ROR2: variants seen among roughly 807,000 people sequenced by gnomAD.
The protein encoded by ROR2 is tyrosine-protein kinase transmembrane receptor ROR2.
In ROR2, 33 loss-of-function variants were observed where a neutral mutation model predicts 74.9. That is an observed-to-expected ratio of 0.44 (90% CI 0.33 to 0.59). The LOEUF (loss-of-function observed/expected upper bound fraction) is 0.59. ROR2 is among the 20% of genes least tolerant of loss of function. The pLI is 0.02. For missense variants in ROR2, 1,216 were observed against 1,313.8 expected (o/e 0.93, Z 1.15); for synonymous variants, 586 against 558.7 (o/e 1.05, Z -0.69).
chr9:91,780,048 G>A (rs1044753469), intron 1 of ROR2, among the ~76,000 whole-genome samples: 3 of 152,202 alleles, frequency 2.0e-5, no homozygotes, highest in African/African-American at 7.2e-5. Flanking sequence ...TGTTAAGAGA[G>A]TCACATCAGG....
At position 91,929,558 on chromosome 9, in the gene ROR2, C is replaced by G. The variant is rs535036604; in HGVS notation, c.97+20309G>C. 8.6e-4 allele frequency among the ~76,000 whole-genome samples: 131 copies of G among 152,304 alleles called. 1 individual carries two copies. Among genetic ancestry groups the G allele is most frequent in the Non-Finnish European group, 1.5e-3 (102 of 68,030 alleles). ...AGTCATGTTTAGAGACACAAAAGAA[C>G]CAGCACCAGAATTTGCCTCTGGTCC... On this transcript the variant is annotated intron_variant, in intron 1 of 8. Transcript: ENST00000375708.
intron 1 of ROR2, among the ~76,000 whole-genome samples, chr9:91,848,443 C>A (rs1828991141): frequency 6.6e-6 from 1 of 152,160 alleles, no homozygotes; most frequent in Non-Finnish European, 1.5e-5. Context: ...TTTAATCAAT[C>A]TGGCTAACGC....
At chr9:91,835,121 C>T (rs1234337460) in intron 1 of ROR2, among the ~76,000 whole-genome samples, 1 of 151,888 alleles carries the variant, frequency 6.6e-6, no homozygotes, top group Non-Finnish European at 1.5e-5. Context: ...AGACACAGCC[C>T]CTGCAGTCTT....
intron 2 of ROR2, among the ~76,000 whole-genome samples, chr9:91,762,741 C>G (rs1255096313): frequency 6.6e-6 from 1 of 152,202 alleles, no homozygotes; most frequent in Non-Finnish European, 1.5e-5. Flanking sequence ...TGATTTCACC[C>G]ATCTATGTTG....
At chr9:91,885,155 C>T (rs1431095223) in intron 1 of ROR2, among the ~76,000 whole-genome samples, 1 of 152,212 alleles carries the variant, frequency 6.6e-6, no homozygotes, top group African/African-American at 2.4e-5. Flanking sequence ...GCCTCTGCAT[C>T]CCAATTCTCT....
At chr9:91,740,893 G>A (rs1486780008) in intron 4 of ROR2, among the ~76,000 whole-genome samples, 3 of 152,278 alleles carry the variant, frequency 2.0e-5, no homozygotes, top group Non-Finnish European at 1.5e-5. Context: ...AATGAAGTGT[G>A]GAAATCCCCT....
At chr9:91,746,633 G>T (rs1404122930) in intron 4 of ROR2, among the ~76,000 whole-genome samples, 1 of 152,110 alleles carries the variant, frequency 6.6e-6, no homozygotes, top group Non-Finnish European at 1.5e-5. Flanking sequence ...TCATTATGTG[G>T]GTGAAACATA....
At chr9:91,816,528 C>T (rs1461964122) in intron 1 of ROR2, among the ~76,000 whole-genome samples, 1 of 152,116 alleles carries the variant, frequency 6.6e-6, no homozygotes, top group African/African-American at 2.4e-5. Context: ...CCAGCTCTGT[C>T]CCCCAGCCTG....
chr9:91,730,840 G>A, intron 7 of ROR2, 70 bp downstream of exon 7: 2 of 1,604,514 alleles, frequency 1.2e-6, no homozygotes, highest in East Asian at 4.5e-5. Context: ...CCCAGGTCAG[G>A]ACAGAACGCC....
At chr9:91,927,969 C>G (rs1306379360) in intron 1 of ROR2, among the ~76,000 whole-genome samples, 1 of 152,146 alleles carries the variant, frequency 6.6e-6, no homozygotes, top group African/African-American at 2.4e-5. Context: ...TGTGGCCCCA[C>G]TAGCTAGAGA....
rs1824925725 is a variant in ROR2, at chr9:91,733,920, C to A, written c.623-484G>T. On this transcript the variant is annotated intron_variant, in intron 5 of 8. Transcript: ENST00000375708. This position sits in a 1 kb window ranked among gnomAD's most constrained non-coding sequence, Gnocchi z 5.7. Reference sequence around the variant, plus strand: ...CCCGGAAGAGGGAGTCAGCTCAGCTCTGTGAACTGCAGCTGGAGGAGACAG... The same window carrying A: ...CCCGGAAGAGGGAGTCAGCTCAGCTATGTGAACTGCAGCTGGAGGAGACAG... Among the ~76,000 whole-genome samples the A allele has an allele frequency of 6.6e-6, 1 of 152,164 alleles. No homozygotes were observed. The highest frequency in any genetic ancestry group is 6.5e-5 in the Admixed American group (1 of 15,276).
chr9:91,929,171 T>C (rs867445770), intron 1 of ROR2, among the ~76,000 whole-genome samples: 11 of 152,190 alleles, frequency 7.2e-5, no homozygotes, highest in South Asian at 2.1e-4. Flanking sequence ...AAAAGAGCGC[T>C]ATGATCAAAT....
At chr9:91,756,201 G>T in intron 3 of ROR2, 100 bp from the exon 4 acceptor site, 1 of 1,169,484 alleles carries the variant, frequency 8.6e-7, no homozygotes, top group Non-Finnish European at 1.3e-6. Context: ...AAGCCAGCGG[G>T]CTCACTGGTG....
At chr9:91,757,589 A>G (rs1401046660) in intron 2 of ROR2, 30 bp from the exon 3 acceptor site, 1 of 1,606,484 alleles carries the variant, frequency 6.2e-7, no homozygotes, top group Non-Finnish European at 8.5e-7. Context: ...CAAAAGAGCA[A>G]GCGTCAGTGA....
In ROR2 at chr9:91,733,584, C is replaced by T. The variant is rs1213761982; in HGVS notation, c.623-148G>A. 8 of 839,782 alleles carry T rather than the reference C, an allele frequency of 9.5e-6. No individual in the cohort carries two copies. The highest frequency in any genetic ancestry group is 1.7e-5 in the African/African-American group (1 of 59,338). The allele number at this position is 839,782 out of a possible 1,614,324, so 52.0% of individuals were successfully genotyped here. ...CCCCAGACTCCCCAACCCCGAGCCC[C>T]GCACACCACCCTGGAGAGGCTCCCC... On this transcript the variant is annotated intron_variant, in intron 5 of 8. Coordinates refer to ENST00000375708, the MANE Select transcript of ROR2 (RefSeq NM_004560.4). This position sits in a 1 kb window ranked among gnomAD's most constrained non-coding sequence, Gnocchi z 5.7.
At chr9:91,935,080 G>A (rs1831647493) in intron 1 of ROR2, among the ~76,000 whole-genome samples, 1 of 152,064 alleles carries the variant, frequency 6.6e-6, no homozygotes, top group Non-Finnish European at 1.5e-5. Context: ...CATCCACTAG[G>A]ATCCATCTGT....
At chr9:91,904,294 A>G (rs1355444226) in intron 1 of ROR2, among the ~76,000 whole-genome samples, 2 of 151,988 alleles carry the variant, frequency 1.3e-5, no homozygotes, top group Admixed American at 6.6e-5. Context: ...CAGATCAGAA[A>G]CTCAGAGCTC....
intron 4 of ROR2, 84 bp from the exon 5 acceptor site, chr9:91,737,602 C>A: frequency 3.1e-6 from 5 of 1,591,088 alleles, no homozygotes; most frequent in Non-Finnish European, 4.3e-6. Flanking sequence ...CAGCATCTTG[C>A]GATCCAGCAA....
chr9:91,926,543 C>CAAAAAA lies in ROR2; in HGVS notation c.97+23318_97+23323dup, dbSNP rs34550588. Among the ~76,000 whole-genome samples the CAAAAAA allele has an allele frequency of 2.1e-3, 208 of 101,082 alleles. 4 individuals are homozygous for CAAAAAA. Among genetic ancestry groups the CAAAAAA allele is most frequent in the East Asian group, 3.2e-3 (11 of 3,462 alleles). 66.3% of individuals were successfully genotyped at this position (101,082 alleles called of 152,430 possible). A position where few individuals can be genotyped will look rare whatever the true frequency, so the allele number is the denominator to read the frequency against. On this transcript the variant is annotated intron_variant, in intron 1 of 8. Transcript: ENST00000375708. ...CCTGGGCGACAGAATGACTCCATCT[C>CAAAAAA]AAAAAAAAAAAAAAAAAGAAGACAT...
Sources: allele counts gnomAD v4.1 joint callset (sites outside exome capture counted in the v4.1 genomes callset), GRCh38; gene constraint gnomAD v4.1.1; non-coding constraint Gnocchi (gnomAD v3.1); transcripts MANE v1.5; gene names NCBI Gene and HGNC (gene_info 2026-07-23, HGNC 2026-07-21).